FBXL17: variants seen among roughly 807,000 people sequenced by gnomAD.
FBXL17 encodes F-box/LRR-repeat protein 17.
A neutral mutation model predicts 66.2 loss-of-function variants in FBXL17; 22 were observed. The ratio of observed to expected loss-of-function variants is 0.33; its 90% CI spans 0.24 to 0.47. FBXL17 has a LOEUF of 0.47. Among genes scored for constraint, FBXL17 ranks in the 20% least tolerant of loss-of-function variants. The pLI is 1.00. For synonymous variants in FBXL17, 474 were observed against 400.5 expected (o/e 1.18, Z -2.19); for missense variants, 878 against 948.2 (o/e 0.93, Z 0.97).
chr5:108,025,739 A>G lies in FBXL17; in HGVS notation c.1746-4738T>C, dbSNP rs900815091. 5.9e-5 allele frequency among the ~76,000 whole-genome samples: 9 copies of G among 151,662 alleles called. No homozygotes were observed. The East Asian group carries it at 1.8e-3, about 30-fold the overall frequency. On this transcript the variant is annotated intron_variant, in intron 6 of 8. Transcript: ENST00000542267. ...CACACGCGCGCGCGCACACACACAC[A>G]CACACACACACACACAGGCCCCACA...
intron 7 of FBXL17, among the ~76,000 whole-genome samples, chr5:108,012,082 T>C (rs1754198661): frequency 1.3e-5 from 2 of 152,270 alleles, no homozygotes; most frequent in Middle Eastern, 3.4e-3. Context: ...GCAGAGAAAT[T>C]TGAGAAGTCA....
chr5:107,859,768 G>C lies in FBXL17; in HGVS notation c.*1952C>G, dbSNP rs1447751970. 6 of 151,788 alleles carry C rather than the reference G, an allele frequency of 4.0e-5. No homozygotes were observed. Among genetic ancestry groups the C allele is most frequent in the African/African-American group, 1.5e-4 (6 of 41,288 alleles). The allele number at this position is 151,788 out of a possible 1,614,324, so 9.4% of individuals were successfully genotyped here. A position where few individuals can be genotyped will look rare whatever the true frequency, so the allele number is the denominator to read the frequency against. ...TTTTTAACTATTTAAAATATAGTAT[G>C]ACATATATAAAAATTAAACTTTTGC... On this transcript the variant is annotated 3_prime_UTR_variant, in exon 9 of 9. Coordinates refer to ENST00000542267, the MANE Select transcript of FBXL17 (RefSeq NM_001163315.3).
intron 5 of FBXL17, among the ~76,000 whole-genome samples, chr5:108,199,902 G>A (rs1753821349): frequency 6.6e-6 from 1 of 152,064 alleles, no homozygotes; most frequent in Non-Finnish European, 1.5e-5. Flanking sequence ...AAGACAAACT[G>A]GATATGGTAG....
chr5:108,009,284 T>TAGATAGATAGATAGATAGATAG lies in FBXL17; in HGVS notation c.1822+11640_1822+11641insCTATCTATCTATCTATCTATCT, dbSNP rs1191647313. Among the ~76,000 whole-genome samples, 14 of 24,564 alleles carry TAGATAGATAGATAGATAGATAG rather than the reference T, an allele frequency of 5.7e-4. 2 individuals are homozygous for TAGATAGATAGATAGATAGATAG. The highest frequency in any genetic ancestry group is 1.1e-3 in the African/African-American group (8 of 7,134). 16.1% of individuals were successfully genotyped at this position (24,564 alleles called of 152,430 possible). ...TTTTATATATATATATATATATATA[T>TAGATAGATAGATAGATAGATAG]ATATATATATATATATACATATATA... On this transcript the variant is annotated intron_variant, in intron 7 of 8. Transcript: ENST00000542267.
chr5:108,054,181 T>A (rs760974374), intron 6 of FBXL17, among the ~76,000 whole-genome samples: 1 of 151,676 alleles, frequency 6.6e-6, no homozygotes, highest in Non-Finnish European at 1.5e-5. Flanking sequence ...ATGGCACATG[T>A]GTACCTGTGT....
At chr5:107,987,845 T>C (rs1753079486) in intron 7 of FBXL17, among the ~76,000 whole-genome samples, 2 of 152,032 alleles carry the variant, frequency 1.3e-5, no homozygotes, top group African/African-American at 4.8e-5. Context: ...TCTATACCAT[T>C]TTAATAATAA....
chr5:108,025,948 A>C (rs1380111825), intron 6 of FBXL17, among the ~76,000 whole-genome samples: 1 of 152,158 alleles, frequency 6.6e-6, no homozygotes, highest in African/African-American at 2.4e-5. Context: ...ATTTTTCTAA[A>C]GCTCCAAATC....
chr5:107,875,044 C>T (rs531872708), intron 8 of FBXL17, among the ~76,000 whole-genome samples: 1 of 152,082 alleles, frequency 6.6e-6, no homozygotes, highest in African/African-American at 2.4e-5. Context: ...GAGGACTGCA[C>T]AGTCTGACAC....
intron 6 of FBXL17, among the ~76,000 whole-genome samples, chr5:108,182,264 G>A (rs1019861296): frequency 1.3e-5 from 2 of 152,274 alleles, no homozygotes; most frequent in South Asian, 2.1e-4. Flanking sequence ...TTAATTGATA[G>A]GCTAAACGCA....
At chr5:107,996,858 G>A (rs1196663797) in intron 7 of FBXL17, among the ~76,000 whole-genome samples, 1 of 152,302 alleles carries the variant, frequency 6.6e-6, no homozygotes, top group African/African-American at 2.4e-5. Context: ...TAAGCAGATA[G>A]TAATTTTGGA....
chr5:108,270,869 G>T (rs1164108231), intron 4 of FBXL17, among the ~76,000 whole-genome samples: 1 of 151,856 alleles, frequency 6.6e-6, no homozygotes, highest in Non-Finnish European at 1.5e-5. Context: ...GAGGAGGGGG[G>T]AAAACCACAT....
At chr5:107,938,062 G>A (rs79077056) in intron 7 of FBXL17, among the ~76,000 whole-genome samples, 1 of 152,204 alleles carries the variant, frequency 6.6e-6, no homozygotes, top group African/African-American at 2.4e-5. Flanking sequence ...ACTGAGAGAG[G>A]AGCACAAACA....
In FBXL17 at chr5:107,881,063, A is replaced by G. The variant is rs764304953; in HGVS notation, c.1939T>C (p.Tyr647His). 6.8e-6 allele frequency: 11 copies of G among 1,614,084 alleles called. No individual in the cohort carries two copies. Among genetic ancestry groups the G allele is most frequent in the South Asian group, 1.1e-5 (1 of 91,082 alleles). ...LIAQSSKSLR[Y>H]LGLMRCDKVN... The stretch of plus-strand genomic sequence containing the variant: ...TTATCACATCTCATCAGCCCCAAAT[A>G]TCTCAGAGACTTGCTGCTCTGTGCA... The change falls in exon 8 of 9, where the codon TAT (tyrosine) becomes CAT (histidine). Residue 647 changes from tyrosine to histidine, a missense_variant. This residue lies in a region of FBXL17 where 236 missense variants were observed against 389.1 expected (regional missense o/e 0.61). Transcript: ENST00000542267.
intron 7 of FBXL17, among the ~76,000 whole-genome samples, chr5:107,938,045 A>G (rs1750969093): frequency 6.6e-6 from 1 of 152,188 alleles, no homozygotes; most frequent in African/African-American, 2.4e-5. Flanking sequence ...TTTAAATAAC[A>G]GTAAACACTG....
At chr5:108,187,655 C>A (rs1278448224) in intron 5 of FBXL17, among the ~76,000 whole-genome samples, 3 of 152,100 alleles carry the variant, frequency 2.0e-5, no homozygotes, top group Non-Finnish European at 2.9e-5. Flanking sequence ...AGCTGCCAGC[C>A]GGGAAGAGAT....
chr5:108,110,029 G>C (rs1206650426), intron 6 of FBXL17, among the ~76,000 whole-genome samples: 1 of 152,002 alleles, frequency 6.6e-6, no homozygotes, highest in African/African-American at 2.4e-5. Context: ...TTCTCTTCTA[G>C]GTTACAGGTA....
At chr5:108,079,066 C>T (rs1667414029) in intron 6 of FBXL17, among the ~76,000 whole-genome samples, 1 of 151,756 alleles carries the variant, frequency 6.6e-6, no homozygotes, top group African/African-American at 2.4e-5. Flanking sequence ...CCAGGCTGGT[C>T]TCAAACTCCT....
rs149235704 is a variant in FBXL17, at chr5:108,020,666, T to TTG, written c.1822+257_1822+258dup. On this transcript the variant is annotated intron_variant, in intron 7 of 8. Coordinates refer to ENST00000542267, the MANE Select transcript of FBXL17 (RefSeq NM_001163315.3). ...CCTCTTTTAGCTATACTTTTTAATT[T>TTG]TGTGTGAGTGTGTGTGTGCAAACAT... The TTG allele has an allele frequency of 5.0e-3, 1,358 of 270,248 alleles. 40 individuals carry two copies. The East Asian group carries it at 0.068, about 13-fold the overall frequency. 16.7% of individuals were successfully genotyped at this position (270,248 alleles called of 1,614,324 possible).
chr5:107,921,482 G>A (rs1051209874), intron 7 of FBXL17, among the ~76,000 whole-genome samples: 2 of 152,210 alleles, frequency 1.3e-5, no homozygotes, highest in Non-Finnish European at 2.9e-5. Flanking sequence ...TGAGAAGCAG[G>A]AAACAGTATG....
Sources: gnomAD v4.1 joint callset for allele counts (sites outside exome capture counted in the v4.1 genomes callset) on GRCh38, gnomAD v4.1.1 for gene constraint, gnomAD v4.1.1 regional missense constraint, MANE v1.5 for transcripts, NCBI Gene and HGNC (gene_info 2026-07-23, HGNC 2026-07-21) for gene names.